The following CMSS1 variants were observed in gnomAD, a reference collection of about 807,000 sequenced individuals.
The protein encoded by CMSS1 is cms1 ribosomal small subunit homolog, also known as protein CMSS1.
A neutral mutation model predicts 43.5 loss-of-function variants in CMSS1; 33 were observed. That is an observed-to-expected ratio of 0.76 (90% CI 0.57 to 1.01). The LOEUF (loss-of-function observed/expected upper bound fraction) is 1.01, where lower values mean the gene tolerates loss of function less well. Among genes scored for constraint, CMSS1 ranks in the 50% least tolerant of loss-of-function variants. The pLI, the probability that CMSS1 is intolerant of heterozygous loss-of-function variation, is 0.00. For missense variants in CMSS1, 313 were observed against 326.4 expected (o/e 0.96, Z 0.32); for synonymous variants, 115 against 117.2 (o/e 0.98, Z 0.12).
At chr3:100,067,166 C>CGTTT (rs4062235) in intron 1 of CMSS1, among the ~76,000 whole-genome samples, 48,099 of 150,878 alleles carry the variant, frequency 0.32, 8,632 homozygotes, top group Non-Finnish European at 0.4. Flanking sequence ...TTTTTGATCT[C>CGTTT]GTTTGTTTGT....
intron 1 of CMSS1, among the ~76,000 whole-genome samples, chr3:100,012,220 ATT>A (rs1218034254): frequency 7.9e-5 from 12 of 152,154 alleles, no homozygotes; most frequent in African/African-American, 2.9e-4. Flanking sequence ...ATCTAAAATT[ATT>A]TGTTTTATAT....
At chr3:99,887,475 C>T (rs1022065959) in intron 1 of CMSS1, among the ~76,000 whole-genome samples, 2 of 152,096 alleles carry the variant, frequency 1.3e-5, no homozygotes, top group African/African-American at 4.8e-5. Flanking sequence ...GCTATCACAG[C>T]CATGACTGAG....
chr3:99,858,368 G>T (rs1474359330), intron 1 of CMSS1, among the ~76,000 whole-genome samples: 1 of 152,084 alleles, frequency 6.6e-6, no homozygotes, highest in Admixed American at 6.5e-5. Context: ...GGGAGGCTGA[G>T]GCAGGAGAAT....
intron 1 of CMSS1, among the ~76,000 whole-genome samples, chr3:99,845,525 G>A (rs1045783630): frequency 2.6e-5 from 4 of 152,100 alleles, no homozygotes; most frequent in African/African-American, 9.7e-5. Flanking sequence ...AGATTTTCCA[G>A]TGTCACTTCC....
intron 1 of CMSS1, among the ~76,000 whole-genome samples, chr3:99,902,503 A>C (rs982888085): frequency 7.9e-5 from 12 of 152,196 alleles, no homozygotes; most frequent in Non-Finnish European, 1.8e-4. Flanking sequence ...CTTGATATAT[A>C]AGGGTATCTA....
At chr3:100,150,631 C>G (rs774861698) in intron 2 of CMSS1, among the ~76,000 whole-genome samples, 6 of 152,186 alleles carry the variant, frequency 3.9e-5, no homozygotes, top group African/African-American at 7.2e-5. Flanking sequence ...GTTTTTAAAT[C>G]CATGCAACTA....
chr3:99,844,306 G>A (rs1943265955), intron 1 of CMSS1, among the ~76,000 whole-genome samples: 1 of 152,146 alleles, frequency 6.6e-6, no homozygotes, highest in Admixed American at 6.5e-5. Context: ...AATATCAGGG[G>A]ATTCTCACAC....
chr3:100,099,949 A>G lies in CMSS1; in HGVS notation c.65-47024A>G, dbSNP rs184453951. On this transcript the variant is annotated intron_variant, in intron 1 of 9. Coordinates refer to ENST00000421999, the MANE Select transcript of CMSS1 (RefSeq NM_032359.4). ...AGCCACAGTGTTATAAAGATCATCC[A>G]TGCTCAAGTTGAGACTAACCACAAC... Among the ~76,000 whole-genome samples, 291 of 152,318 alleles carry G rather than the reference A, an allele frequency of 1.9e-3. 1 individual carries two copies. The highest frequency in any genetic ancestry group is 6.7e-3 in the African/African-American group (279 of 41,570).
At chr3:100,100,074 G>A (rs1339314657) in intron 1 of CMSS1, among the ~76,000 whole-genome samples, 2 of 152,200 alleles carry the variant, frequency 1.3e-5, no homozygotes, top group Non-Finnish European at 2.9e-5. Context: ...GAGTGGGCAA[G>A]TGTGGCATGA....
chr3:99,924,063 T>G (rs1485583515), intron 1 of CMSS1, among the ~76,000 whole-genome samples: 1 of 152,216 alleles, frequency 6.6e-6, no homozygotes, highest in African/African-American at 2.4e-5. Flanking sequence ...TGGTTATCCA[T>G]ACATTGTACT....
intron 1 of CMSS1, among the ~76,000 whole-genome samples, chr3:99,823,184 T>C (rs941112563): frequency 2.0e-5 from 3 of 152,236 alleles, no homozygotes; most frequent in Admixed American, 1.3e-4. Flanking sequence ...TTTACTCTTT[T>C]AAAGAACACT....
chr3:99,967,153 G>T (rs1576607221), intron 1 of CMSS1, among the ~76,000 whole-genome samples: 1 of 152,190 alleles, frequency 6.6e-6, no homozygotes, highest in East Asian at 1.9e-4. Flanking sequence ...GTCTGGCAAT[G>T]GATATAATAA....
chr3:100,147,970 A>G (rs1308179647), intron 2 of CMSS1, among the ~76,000 whole-genome samples: 3 of 152,180 alleles, frequency 2.0e-5, no homozygotes, highest in Non-Finnish European at 2.9e-5. Flanking sequence ...GTTTCCATCA[A>G]ACCTGATTGG....
intron 1 of CMSS1, among the ~76,000 whole-genome samples, chr3:100,024,536 T>C (rs1284600310): frequency 1.3e-5 from 2 of 152,196 alleles, no homozygotes; most frequent in Non-Finnish European, 2.9e-5. Context: ...AGGAAGCAAC[T>C]GTTTTCTTTC....
intron 1 of CMSS1, among the ~76,000 whole-genome samples, chr3:99,872,270 T>TGTGTGC (rs1491271095): frequency 2.6e-4 from 2 of 7,786 alleles, no homozygotes; most frequent in African/African-American, 1.3e-3. Flanking sequence ...GTGCCAGGAC[T>TGTGTGC]GTGTGTGTGT....
At chr3:99,967,927 G>A (rs1039466687) in intron 1 of CMSS1, among the ~76,000 whole-genome samples, 3 of 152,146 alleles carry the variant, frequency 2.0e-5, no homozygotes, top group Non-Finnish European at 4.4e-5. Context: ...TAAGTGCAAC[G>A]GTATGTGGGA....
At chr3:99,939,771 G>A (rs904566455) in intron 1 of CMSS1, among the ~76,000 whole-genome samples, 1 of 152,194 alleles carries the variant, frequency 6.6e-6, no homozygotes, top group African/African-American at 2.4e-5. Context: ...TACATCAGGA[G>A]ACAGGGTATT....
chr3:100,108,168 C>A (rs2066425815), intron 1 of CMSS1, among the ~76,000 whole-genome samples: 1 of 152,128 alleles, frequency 6.6e-6, no homozygotes, highest in South Asian at 2.1e-4. Flanking sequence ...CCCATGGCTT[C>A]TTAATTCGGT....
At chr3:100,059,261 T>G in intron 1 of CMSS1, among the ~76,000 whole-genome samples, 1 of 152,238 alleles carries the variant, frequency 6.6e-6, no homozygotes, top group East Asian at 1.9e-4. Flanking sequence ...CTCTTAATTT[T>G]CTTTTTCCTT....
Sources: allele counts gnomAD v4.1 joint callset (sites outside exome capture counted in the v4.1 genomes callset), GRCh38; gene constraint gnomAD v4.1.1; transcripts MANE v1.5; gene names NCBI Gene and HGNC (gene_info 2026-07-23, HGNC 2026-07-21).